Variants in KCNAB1 observed in about 807,000 individuals in gnomAD.
KCNAB1 encodes voltage-gated potassium channel subunit beta-1.
KCNAB1 carries 35 observed loss-of-function variants against 64.6 expected under a neutral mutation model. That is an observed-to-expected ratio of 0.54 (90% CI 0.41 to 0.72). The LOEUF is 0.72. Among genes scored for constraint, KCNAB1 ranks in the 30% least tolerant of loss-of-function variants. The probability of loss-of-function intolerance (pLI) is 0.00; values close to 1 mark genes in which losing one functional copy is unlikely to be tolerated. For missense variants in KCNAB1, 401 were observed against 512.9 expected (o/e 0.78, Z 2.11); for synonymous variants, 177 against 183.8 (o/e 0.96, Z 0.30).
intron 1 of KCNAB1, among the ~76,000 whole-genome samples, chr3:156,352,482 C>G (rs1724922102): frequency 6.6e-6 from 1 of 152,222 alleles, no homozygotes; most frequent in Non-Finnish European, 1.5e-5. Context: ...ATTGTCCTCA[C>G]AGAGCTCACA....
chr3:156,402,506 A>G (rs1192149531), intron 1 of KCNAB1, among the ~76,000 whole-genome samples: 1 of 152,218 alleles, frequency 6.6e-6, no homozygotes, highest in African/African-American at 2.4e-5. Context: ...CATTCCTCCA[A>G]CACCTGCTAT....
chr3:156,449,167 A>G (rs1360286365), intron 2 of KCNAB1, among the ~76,000 whole-genome samples: 1 of 152,174 alleles, frequency 6.6e-6, no homozygotes, highest in Non-Finnish European at 1.5e-5. Context: ...TAATATTCAT[A>G]TGCTATTTTA....
chr3:156,186,531 A>T (rs528039359), intron 1 of KCNAB1, among the ~76,000 whole-genome samples: 1 of 152,134 alleles, frequency 6.6e-6, no homozygotes, highest in South Asian at 2.1e-4. Flanking sequence ...AGCCTGTGCA[A>T]GTGTTTCCTT....
intron 1 of KCNAB1, among the ~76,000 whole-genome samples, chr3:156,196,517 C>T (rs976087856): frequency 1.3e-5 from 2 of 152,002 alleles, no homozygotes; most frequent in Non-Finnish European, 2.9e-5. Context: ...CTTGAAGAGG[C>T]CCTTCATGTC....
At chr3:156,304,250 A>G (rs1307635154) in intron 1 of KCNAB1, among the ~76,000 whole-genome samples, 1 of 152,234 alleles carries the variant, frequency 6.6e-6, no homozygotes, top group Non-Finnish European at 1.5e-5. Flanking sequence ...ATGTCTGAAT[A>G]ACATTCTTTG....
intron 1 of KCNAB1, among the ~76,000 whole-genome samples, chr3:156,330,342 A>G (rs1261450120): frequency 6.6e-6 from 1 of 152,154 alleles, no homozygotes; most frequent in East Asian, 1.9e-4. Context: ...TCAGAGCAGC[A>G]TCGGCCTGTT....
chr3:156,259,051 T>A (rs780810541), intron 1 of KCNAB1, among the ~76,000 whole-genome samples: 1 of 152,224 alleles, frequency 6.6e-6, no homozygotes, highest in Non-Finnish European at 1.5e-5. Context: ...GACTAATTGA[T>A]CTGTAAATGA....
At chr3:156,205,278 C>A (rs1664830983) in intron 1 of KCNAB1, among the ~76,000 whole-genome samples, 1 of 152,126 alleles carries the variant, frequency 6.6e-6, no homozygotes, top group Admixed American at 6.5e-5. Flanking sequence ...ATTTAAACAT[C>A]CACCTTGGTA....
chr3:156,332,444 C>G (rs1230254410), intron 1 of KCNAB1, among the ~76,000 whole-genome samples: 1 of 152,106 alleles, frequency 6.6e-6, no homozygotes, highest in African/African-American at 2.4e-5. Flanking sequence ...TAAACTTGTG[C>G]ATTACATTTA....
chr3:156,281,852 CTCTT>C (rs1490070518), intron 1 of KCNAB1, among the ~76,000 whole-genome samples: 8 of 148,854 alleles, frequency 5.4e-5, no homozygotes, highest in African/African-American at 2.0e-4. Context: ...TGATTCTTCT[CTCTT>C]TTTTTCTTTA....
At position 156,169,187 on chromosome 3, in the gene KCNAB1, A is replaced by G. The variant is rs536381872; in HGVS notation, c.275+48301A>G. 2.1e-3 allele frequency among the ~76,000 whole-genome samples: 313 copies of G among 152,330 alleles called. 1 individual carries two copies. Among genetic ancestry groups the G allele is most frequent in the African/African-American group, 6.9e-3 (289 of 41,588 alleles). ...TTTTTAAAGGAATATTTCCCTGATAAGCTCTCCCTCACAGTTAGAATCTTG... is the reference window on the plus strand; with the variant it reads ...TTTTTAAAGGAATATTTCCCTGATAGGCTCTCCCTCACAGTTAGAATCTTG... On this transcript the variant is annotated intron_variant, in intron 1 of 13. Transcript: ENST00000490337.
At chr3:156,403,932 T>G (rs905163624) in intron 1 of KCNAB1, among the ~76,000 whole-genome samples, 1 of 150,916 alleles carries the variant, frequency 6.6e-6, no homozygotes, top group African/African-American at 2.4e-5. Flanking sequence ...CATGCATAAT[T>G]GTGTACCAAA....
chr3:156,146,641 C>A (rs1426867410), intron 1 of KCNAB1, among the ~76,000 whole-genome samples: 1 of 152,172 alleles, frequency 6.6e-6, no homozygotes, highest in African/African-American at 2.4e-5. Context: ...TTCGTATCTG[C>A]CTCTGTTACA....
chr3:156,292,611 C>T (rs993015167), intron 1 of KCNAB1, among the ~76,000 whole-genome samples: 1 of 152,146 alleles, frequency 6.6e-6, no homozygotes, highest in Admixed American at 6.5e-5. Context: ...GATCTGGGCT[C>T]TGTCGCCTGG....
At chr3:156,226,167 T>C (rs1716146973) in intron 1 of KCNAB1, among the ~76,000 whole-genome samples, 1 of 152,136 alleles carries the variant, frequency 6.6e-6, no homozygotes, top group African/African-American at 2.4e-5. Flanking sequence ...CTTCAAACTA[T>C]ACTGTAAGGC....
chr3:156,160,339 T>A (rs1716001375), intron 1 of KCNAB1, among the ~76,000 whole-genome samples: 2 of 152,234 alleles, frequency 1.3e-5, no homozygotes, highest in African/African-American at 2.4e-5. Context: ...TAACAATACC[T>A]ATCCCATAGG....
At chr3:156,444,968 T>C (rs111227138) in intron 2 of KCNAB1, among the ~76,000 whole-genome samples, 48 of 152,170 alleles carry the variant, frequency 3.2e-4, no homozygotes, top group African/African-American at 1.0e-3. Context: ...ATGGCAGCAA[T>C]TGAGTAAAAG....
intron 1 of KCNAB1, among the ~76,000 whole-genome samples, chr3:156,409,800 A>T (rs1463603365): frequency 1.3e-5 from 2 of 152,238 alleles, no homozygotes; most frequent in Admixed American, 6.5e-5. Flanking sequence ...ACAAACTAAA[A>T]AATGAAGAAT....
chr3:156,315,412 C>T lies in KCNAB1; in HGVS notation c.276-106204C>T, dbSNP rs182232058. ...GAGGTTCTTTGGGAGCCCATCTGTC[C>T]ACCACTTCCACAACCAGGAGCACCT... On this transcript the variant is annotated intron_variant, in intron 1 of 13. Transcript: ENST00000490337. Among the ~76,000 whole-genome samples the T allele has an allele frequency of 2.5e-3, 374 of 152,292 alleles. 1 individual carries two copies. Among genetic ancestry groups the T allele is most frequent in the African/African-American group, 8.5e-3 (354 of 41,548 alleles).
Sources: gnomAD v4.1 joint callset for allele counts (sites outside exome capture counted in the v4.1 genomes callset) on GRCh38, gnomAD v4.1.1 for gene constraint, MANE v1.5 for transcripts, NCBI Gene and HGNC (gene_info 2026-07-23, HGNC 2026-07-21) for gene names.